The following SGCD variants were observed in gnomAD, a reference collection of about 807,000 sequenced individuals.
SGCD encodes the protein delta-sarcoglycan.
In SGCD, 18 loss-of-function variants were observed where a neutral mutation model predicts 36.6. That is an observed-to-expected ratio of 0.49 (90% CI 0.34 to 0.73). The LOEUF is 0.73. SGCD is among the 30% of genes least tolerant of loss of function. SGCD has a pLI of 0.01. For synonymous variants in SGCD, 133 were observed against 130.6 expected (o/e 1.02, Z -0.12); for missense variants, 387 against 346.7 (o/e 1.12, Z -0.92).
intron 3 of SGCD, among the ~76,000 whole-genome samples, chr5:156,201,180 A>G (rs1381511258): frequency 6.6e-6 from 1 of 152,202 alleles, no homozygotes; most frequent in African/African-American, 2.4e-5. Context: ...CAATGTGAAT[A>G]CATTTAACGC....
intron 1 of SGCD, among the ~76,000 whole-genome samples, chr5:156,069,953 C>A (rs937810692): frequency 1.4e-4 from 22 of 151,962 alleles, no homozygotes; most frequent in African/African-American, 4.1e-4. Context: ...GTGTATAAGA[C>A]TGCTTGTGAT....
intron 1 of SGCD, among the ~76,000 whole-genome samples, chr5:156,079,608 GC>G (rs1760894635): frequency 6.6e-6 from 1 of 152,184 alleles, no homozygotes; most frequent in South Asian, 2.1e-4. Context: ...AAAGAAAGGG[GC>G]TACAGGCTCC....
the SGCD span, among the ~76,000 whole-genome samples, chr5:155,742,297 A>G: frequency 1.1e-4 from 17 of 152,174 alleles, no homozygotes; most frequent in Non-Finnish European, 1.9e-4. Context: ...TTTTAATTCA[A>G]TTGTATGCAC....
At chr5:156,470,854 G>T (rs1754930319) in intron 3 of SGCD, among the ~76,000 whole-genome samples, 1 of 152,068 alleles carries the variant, frequency 6.6e-6, no homozygotes, top group African/African-American at 2.4e-5. Flanking sequence ...ATAAATATTT[G>T]GAAACGTACT....
At position 156,752,252 on chromosome 5, in the gene SGCD, G is replaced by T. The variant is rs141244844; in HGVS notation, c.576-5329G>T. Among the ~76,000 whole-genome samples the T allele has an allele frequency of 2.2e-3, 333 of 152,278 alleles. 2 individuals carry two copies. The highest frequency in any genetic ancestry group is 6.6e-3 in the African/African-American group (274 of 41,558). ...CAAATTTAGTCATAAAGAAAAGCAG[G>T]AAAACAGCAAACACAAAATTCCTAA... On this transcript the variant is annotated intron_variant, in intron 7 of 8. Coordinates refer to ENST00000337851, the MANE Select transcript of SGCD (RefSeq NM_000337.6).
chr5:156,012,940 C>CATTTATATATATATTTATT (rs1758890689), intron 1 of SGCD, among the ~76,000 whole-genome samples: 1 of 149,362 alleles, frequency 6.7e-6, no homozygotes, highest in South Asian at 2.1e-4. Flanking sequence ...TATAGCATTC[C>CATTTATATATATATTTATT]ATTTATATAT....
At chr5:156,631,476 T>TTAA (rs895559207) in intron 6 of SGCD, among the ~76,000 whole-genome samples, 7 of 147,696 alleles carry the variant, frequency 4.7e-5, no homozygotes, top group African/African-American at 1.7e-4. Context: ...TTTTTTTTTT[T>TTAA]AAAAAAAAGA....
At chr5:156,757,518 C>A in intron 7 of SGCD, 63 bp from the exon 8 acceptor site, 1 of 1,064,224 alleles carries the variant, frequency 9.4e-7, no homozygotes, top group South Asian at 1.7e-5. Context: ...TGAGCATGAA[C>A]TTCCTTTTGT....
chr5:156,070,434 T>G (rs967967796), intron 1 of SGCD, among the ~76,000 whole-genome samples: 3 of 151,134 alleles, frequency 2.0e-5, no homozygotes, highest in Non-Finnish European at 4.4e-5. Flanking sequence ...GGATTACATT[T>G]ATTGATTTGT....
intron 3 of SGCD, among the ~76,000 whole-genome samples, chr5:156,231,654 T>C (rs1476912463): frequency 6.6e-6 from 1 of 152,218 alleles, no homozygotes; most frequent in African/African-American, 2.4e-5. Flanking sequence ...GTTATCTTTA[T>C]AGTTTGGACT....
intron 1 of SGCD, among the ~76,000 whole-genome samples, chr5:155,896,485 A>G (rs968955161): frequency 6.6e-6 from 1 of 151,514 alleles, no homozygotes; most frequent in African/African-American, 2.4e-5. Flanking sequence ...AAAAAAAAAA[A>G]AAACACAAGA....
chr5:156,529,999 G>C (rs1198768477), intron 4 of SGCD, among the ~76,000 whole-genome samples: 3 of 152,182 alleles, frequency 2.0e-5, no homozygotes, highest in Non-Finnish European at 4.4e-5. Context: ...TTGCATATTG[G>C]AGGGGGAGAA....
chr5:155,789,593 A>G, the SGCD span, among the ~76,000 whole-genome samples: 96 of 152,284 alleles, frequency 6.3e-4, no homozygotes, highest in African/African-American at 2.3e-3. Flanking sequence ...ATGAAAGCTG[A>G]CAAGGTTTTC....
chr5:156,577,989 G>C (rs1760055303), intron 4 of SGCD, among the ~76,000 whole-genome samples: 1 of 152,150 alleles, frequency 6.6e-6, no homozygotes, highest in South Asian at 2.1e-4. Context: ...TCCCTGTTTT[G>C]TGCCAGTTTT....
chr5:156,231,965 A>T (rs898370280), intron 3 of SGCD, among the ~76,000 whole-genome samples: 1 of 152,208 alleles, frequency 6.6e-6, no homozygotes, highest in African/African-American at 2.4e-5. Context: ...CTTGAGGACT[A>T]GCTTTAGGAT....
At chr5:156,676,575 TAAGCAA>T (rs1396749947) in intron 7 of SGCD, among the ~76,000 whole-genome samples, 1 of 151,980 alleles carries the variant, frequency 6.6e-6, no homozygotes, top group African/African-American at 2.4e-5. Flanking sequence ...CAAGACAAGG[TAAGCAA>T]TGCTGGCCTT....
At chr5:156,071,604 T>C (rs1302972635) in intron 1 of SGCD, among the ~76,000 whole-genome samples, 2 of 152,194 alleles carry the variant, frequency 1.3e-5, no homozygotes, top group Non-Finnish European at 2.9e-5. Context: ...AAATGTATAT[T>C]CTGTTGATTT....
intron 3 of SGCD, among the ~76,000 whole-genome samples, chr5:156,406,798 A>ATT (rs1413611611): frequency 4.1e-5 from 3 of 72,588 alleles, no homozygotes; most frequent in African/African-American, 2.4e-4. Context: ...TTTTATATAT[A>ATT]TATATATATA....
rs74514327 is a variant in SGCD, at chr5:156,445,596, G to A, written c.193-63005G>A. Among the ~76,000 whole-genome samples the A allele has an allele frequency of 3.2e-3, 490 of 152,150 alleles. 5 individuals carry two copies. Among genetic ancestry groups the A allele is most frequent in the African/African-American group, 0.011 (457 of 41,530 alleles). ...GTGTGGTCTAAGGAGCTGGACTAGC[G>A]GGTTTTAGTTCTCCCCCCGTACTAT... On this transcript the variant is annotated intron_variant, in intron 3 of 8. Transcript: ENST00000337851.
Sources: gnomAD v4.1 joint callset for allele counts (sites outside exome capture counted in the v4.1 genomes callset) on GRCh38, gnomAD v4.1.1 for gene constraint, MANE v1.5 for transcripts, NCBI Gene and HGNC (gene_info 2026-07-23, HGNC 2026-07-21) for gene names.